Variants in CAMTA1 observed in about 807,000 individuals in gnomAD.
The protein encoded by CAMTA1 is calmodulin-binding transcription activator 1.
In CAMTA1, 27 loss-of-function variants were observed where a neutral mutation model predicts 170.9. That is an observed-to-expected ratio of 0.16 (90% CI 0.12 to 0.22). CAMTA1 has a LOEUF of 0.22. Among genes scored for constraint, CAMTA1 ranks in the 10% least tolerant of loss-of-function variants. CAMTA1 has a pLI of 1.00. For synonymous variants in CAMTA1, 833 were observed against 891.5 expected (o/e 0.93, Z 1.17); for missense variants, 1,619 against 2,217.2 (o/e 0.73, Z 5.42).
At chr1:7,632,499 T>C (rs986019084) in intron 6 of CAMTA1, among the ~76,000 whole-genome samples, 1 of 152,268 alleles carries the variant, frequency 6.6e-6, no homozygotes, top group Admixed American at 6.5e-5. Flanking sequence ...CACTTAGCGT[T>C]GATGAAGCTG....
chr1:7,235,802 A>G (rs1160750105), intron 4 of CAMTA1, among the ~76,000 whole-genome samples: 1 of 152,164 alleles, frequency 6.6e-6, no homozygotes. Context: ...TTGTTCTCTG[A>G]TAAGAAAACC....
At chr1:6,938,414 G>A (rs1318661488) in intron 3 of CAMTA1, among the ~76,000 whole-genome samples, 1 of 152,168 alleles carries the variant, frequency 6.6e-6, no homozygotes. Flanking sequence ...GTCACAGCAG[G>A]AGGTGGGGAG....
chr1:7,002,349 G>T (rs1313169828), intron 3 of CAMTA1, among the ~76,000 whole-genome samples: 3 of 152,156 alleles, frequency 2.0e-5, no homozygotes, highest in Admixed American at 6.5e-5. Context: ...ACTGGTGATG[G>T]TGATCACATA....
intron 5 of CAMTA1, among the ~76,000 whole-genome samples, chr1:7,444,546 G>A (rs957674059): frequency 6.6e-6 from 1 of 152,226 alleles, no homozygotes; most frequent in Non-Finnish European, 1.5e-5. Flanking sequence ...GCTAAGGACA[G>A]CCCAGCCTAG....
At chr1:7,201,893 G>T (rs1194656001) in intron 4 of CAMTA1, among the ~76,000 whole-genome samples, 1 of 152,064 alleles carries the variant, frequency 6.6e-6, no homozygotes, top group African/African-American at 2.4e-5. Context: ...TTCTGAAGAA[G>T]CCCCATGTGT....
intron 4 of CAMTA1, among the ~76,000 whole-genome samples, chr1:7,165,442 T>G (rs1393923957): frequency 6.6e-6 from 1 of 152,148 alleles, no homozygotes; most frequent in Non-Finnish European, 1.5e-5. Context: ...TTTCTTTTCT[T>G]TTTTTTGGAG....
intron 4 of CAMTA1, among the ~76,000 whole-genome samples, chr1:7,183,003 T>G (rs757090281): frequency 2.0e-5 from 3 of 152,210 alleles, no homozygotes; most frequent in Non-Finnish European, 4.4e-5. Flanking sequence ...GTGTGGCGAT[T>G]GTACTCGTCT....
intron 1 of CAMTA1, among the ~76,000 whole-genome samples, chr1:6,819,390 T>TTGTTTCTTTCC (rs1646230796): frequency 6.6e-6 from 1 of 152,142 alleles, no homozygotes; most frequent in Admixed American, 6.5e-5. Context: ...GCCAGAGACC[T>TTGTTTCTTTCC]TGTTTCTTTC....
chr1:7,228,923 G>C (rs1662192026), intron 4 of CAMTA1, among the ~76,000 whole-genome samples: 1 of 152,166 alleles, frequency 6.6e-6, no homozygotes, highest in African/African-American at 2.4e-5. Context: ...TTGGGTCAGG[G>C]GGCTTAAGGA....
At chr1:7,112,501 CG>C (rs1290180548) in intron 4 of CAMTA1, among the ~76,000 whole-genome samples, 1 of 152,184 alleles carries the variant, frequency 6.6e-6, no homozygotes, top group Non-Finnish European at 1.5e-5. Context: ...TGACCATGGC[CG>C]AGCCGAACAC....
In CAMTA1 at chr1:7,589,967, G is replaced by A. The variant is rs569809011; in HGVS notation, c.511-50433G>A. ...CTTGCTGGCTGCACAAGGCGGGGTT[G>A]TGTGCAGATGGGATTTTAAAGCCCT... is the stretch of plus-strand genomic sequence containing the variant. On this transcript the variant is annotated intron_variant, in intron 6 of 22. Coordinates refer to ENST00000303635, the MANE Select transcript of CAMTA1 (RefSeq NM_015215.4). Among the ~76,000 whole-genome samples the A allele has an allele frequency of 5.3e-5, 8 of 152,336 alleles. 1 individual carries two copies. In the South Asian group the frequency reaches 1.7e-3, roughly 32 times the overall value.
At chr1:7,524,457 G>A (rs901125949) in intron 6 of CAMTA1, among the ~76,000 whole-genome samples, 2 of 152,076 alleles carry the variant, frequency 1.3e-5, no homozygotes, top group Admixed American at 1.3e-4. Context: ...TGTCCCATCA[G>A]TGTGGCTTTT....
intron 3 of CAMTA1, among the ~76,000 whole-genome samples, chr1:6,924,107 C>T (rs1217436265): frequency 1.3e-5 from 2 of 152,216 alleles, no homozygotes; most frequent in African/African-American, 2.4e-5. Flanking sequence ...GGCCACACGG[C>T]ATGACTTTGT....
intron 5 of CAMTA1, among the ~76,000 whole-genome samples, chr1:7,410,743 C>G (rs1454492950): frequency 6.6e-6 from 1 of 152,136 alleles, no homozygotes; most frequent in African/African-American, 2.4e-5. Context: ...AATACGGAGC[C>G]CTGAAGCTTG....
At position 6,944,134 on chromosome 1, in the gene CAMTA1, T is replaced by C. The variant is rs778155342; in HGVS notation, c.234+118924T>C. 3.4e-4 allele frequency among the ~76,000 whole-genome samples: 51 copies of C among 152,186 alleles called. 1 individual carries two copies. The highest frequency in any genetic ancestry group is 1.0e-4 in the Non-Finnish European group (7 of 68,042). ...GGGAACCATACAGTATTTGTCCTTT[T>C]GTGACTGGCCTATTTCACTTAGCAC... is the stretch of plus-strand genomic sequence containing the variant. On this transcript the variant is annotated intron_variant, in intron 3 of 22. Coordinates refer to ENST00000303635, the MANE Select transcript of CAMTA1 (RefSeq NM_015215.4).
chr1:6,979,143 G>A (rs1290351512), intron 3 of CAMTA1, among the ~76,000 whole-genome samples: 1 of 152,192 alleles, frequency 6.6e-6, no homozygotes, highest in Non-Finnish European at 1.5e-5. Flanking sequence ...AGGGAAGCTA[G>A]GATGTGGCTG....
At chr1:7,203,515 T>G (rs1355509888) in intron 4 of CAMTA1, among the ~76,000 whole-genome samples, 2 of 150,306 alleles carry the variant, frequency 1.3e-5, no homozygotes, top group African/African-American at 4.9e-5. Flanking sequence ...TTAAATTGCC[T>G]ATTCAGTCTT....
intron 4 of CAMTA1, among the ~76,000 whole-genome samples, chr1:7,121,408 TA>T (rs1266802027): frequency 1.3e-5 from 2 of 152,210 alleles, no homozygotes; most frequent in Non-Finnish European, 2.9e-5. Flanking sequence ...AATGTGGTCA[TA>T]AGTGAGATGT....
chr1:7,563,341 C>G (rs1232173750), intron 6 of CAMTA1, among the ~76,000 whole-genome samples: 1 of 152,174 alleles, frequency 6.6e-6, no homozygotes, highest in Non-Finnish European at 1.5e-5. Flanking sequence ...GTCTGTGGAA[C>G]CAGCCGCACC....
Sources: allele counts gnomAD v4.1 joint callset (sites outside exome capture counted in the v4.1 genomes callset), GRCh38; gene constraint gnomAD v4.1.1; transcripts MANE v1.5; gene names NCBI Gene and HGNC (gene_info 2026-07-23, HGNC 2026-07-21).